Variants in PBX1 observed in about 807,000 individuals in gnomAD.
PBX1 encodes PBX homeobox 1.
In PBX1, 6 loss-of-function variants were observed where a neutral mutation model predicts 53.4. That is an observed-to-expected ratio of 0.11 (90% CI 0.06 to 0.22). PBX1 has a LOEUF of 0.22. Ranked by LOEUF, PBX1 falls within the 10% of genes least tolerant of loss-of-function variation. PBX1 has a pLI of 1.00. For missense variants in PBX1, 251 were observed against 551.4 expected (o/e 0.46, Z 5.46); for synonymous variants, 204 against 212.3 (o/e 0.96, Z 0.34).
chr1:164,669,213 G>A (rs1031965651), intron 2 of PBX1, among the ~76,000 whole-genome samples: 1 of 152,100 alleles, frequency 6.6e-6, no homozygotes, highest in Non-Finnish European at 1.5e-5. Context: ...ATGTTAATGG[G>A]ATGCTATTAG....
At chr1:164,877,636 T>C (rs1213487834) in intron 2 of PBX1, among the ~76,000 whole-genome samples, 1 of 152,046 alleles carries the variant, frequency 6.6e-6, no homozygotes, top group East Asian at 1.9e-4. Flanking sequence ...GCACTCCAAC[T>C]TGGGCATTGG....
intron 6 of PBX1, chr1:164,819,270 G>A (rs997218351): frequency 1.3e-5 from 2 of 152,090 alleles, no homozygotes; most frequent in Admixed American, 1.3e-4. Context: ...ATCCCTGGGA[G>A]GTGAAAAGCA....
chr1:164,615,616 G>A (rs943266713), intron 2 of PBX1, among the ~76,000 whole-genome samples: 1 of 152,122 alleles, frequency 6.6e-6, no homozygotes, highest in East Asian at 1.9e-4. Context: ...GCCAGCCGCC[G>A]CACCGTTGAT....
At chr1:164,618,923 T>C (rs1316350143) in intron 2 of PBX1, among the ~76,000 whole-genome samples, 1 of 152,250 alleles carries the variant, frequency 6.6e-6, no homozygotes, top group Admixed American at 6.5e-5. Flanking sequence ...AAGTATAATG[T>C]TCTGGCTTTT....
At chr1:164,784,717 G>C (rs1668093666) in intron 2 of PBX1, among the ~76,000 whole-genome samples, 1 of 152,192 alleles carries the variant, frequency 6.6e-6, no homozygotes, top group African/African-American at 2.4e-5. Context: ...CGTTTATTTG[G>C]AAAGTCAGCA....
chr1:164,729,833 T>C (rs562089307), intron 2 of PBX1, among the ~76,000 whole-genome samples: 2 of 148,578 alleles, frequency 1.3e-5, no homozygotes, highest in East Asian at 3.9e-4. Context: ...TAAAAATCAT[T>C]ATAACAATAA....
Position 164,763,605 on chromosome 1 carries a change from A to T in PBX1, c.266-28889A>T, listed in dbSNP as rs547806616. 1.2e-3 allele frequency among the ~76,000 whole-genome samples: 183 copies of T among 152,324 alleles called. 1 individual carries two copies. The highest frequency in any genetic ancestry group is 4.4e-3 in the African/African-American group (181 of 41,578). ...GATTTTCCCTAACCAAGAAAGATAGACCGAGGAGTCATTTTAATTGTCTAG... is the reference window on the plus strand; with the variant it reads ...GATTTTCCCTAACCAAGAAAGATAGTCCGAGGAGTCATTTTAATTGTCTAG... On this transcript the variant is annotated intron_variant, in intron 2 of 8. Transcript: ENST00000420696.
At chr1:164,793,138 TGGC>T (rs1285013992) in intron 3 of PBX1, among the ~76,000 whole-genome samples, 1 of 152,188 alleles carries the variant, frequency 6.6e-6, no homozygotes, top group African/African-American at 2.4e-5. Context: ...AGGTTTTCTC[TGGC>T]CCTTGTTTTT....
At chr1:164,748,924 AG>A (rs1666045917) in intron 2 of PBX1, among the ~76,000 whole-genome samples, 1 of 152,196 alleles carries the variant, frequency 6.6e-6, no homozygotes, top group Non-Finnish European at 1.5e-5. Flanking sequence ...TCAGAAATGT[AG>A]GAGGAAGCCA....
At chr1:164,602,306 T>A (rs1255520411) in intron 2 of PBX1, among the ~76,000 whole-genome samples, 1 of 152,142 alleles carries the variant, frequency 6.6e-6, no homozygotes, top group East Asian at 1.9e-4. Context: ...CCAAGCCATC[T>A]CCCCTCACAC....
chr1:164,831,136 T>C (rs1172152288), intron 8 of PBX1, among the ~76,000 whole-genome samples: 1 of 152,238 alleles, frequency 6.6e-6, no homozygotes, highest in African/African-American at 2.4e-5. Flanking sequence ...GTCATTAATA[T>C]TTAACTCTAC....
chr1:164,651,183 A>G (rs924707657), intron 2 of PBX1, among the ~76,000 whole-genome samples: 1 of 151,970 alleles, frequency 6.6e-6, no homozygotes, highest in Admixed American at 6.6e-5. Context: ...CTTCTTTCCC[A>G]TCCACACTTG....
At chr1:164,588,449 AAG>A (rs1655105561) in intron 2 of PBX1, among the ~76,000 whole-genome samples, 1 of 148,092 alleles carries the variant, frequency 6.8e-6, no homozygotes, top group Admixed American at 6.7e-5. Flanking sequence ...AAAAAGAGAA[AAG>A]AGAAATACAC....
intron 2 of PBX1, among the ~76,000 whole-genome samples, chr1:164,709,245 G>T (rs549830075): frequency 6.6e-6 from 1 of 152,270 alleles, no homozygotes; most frequent in East Asian, 1.9e-4. Flanking sequence ...CTAAGAAAGT[G>T]GAAGCTGATC....
intron 2 of PBX1, among the ~76,000 whole-genome samples, chr1:164,613,216 A>G (rs976501912): frequency 6.6e-6 from 1 of 152,184 alleles, no homozygotes; most frequent in South Asian, 2.1e-4. Flanking sequence ...TTATGTTCCA[A>G]TTTGTGAGCT....
chr1:164,823,231 T>C (rs1670248954), intron 8 of PBX1, among the ~76,000 whole-genome samples: 1 of 152,158 alleles, frequency 6.6e-6, no homozygotes, highest in South Asian at 2.1e-4. Flanking sequence ...TAGTACTGCA[T>C]TGATGGCTGA....
chr1:164,603,107 G>A (rs1656290585), intron 2 of PBX1, among the ~76,000 whole-genome samples: 1 of 151,246 alleles, frequency 6.6e-6, no homozygotes, highest in South Asian at 2.1e-4. Flanking sequence ...TACCCCTTTG[G>A]CTTTTTCTGA....
chr1:164,832,737 A>G (rs1037314363), intron 8 of PBX1, among the ~76,000 whole-genome samples: 1 of 152,162 alleles, frequency 6.6e-6, no homozygotes, highest in Non-Finnish European at 1.5e-5. Flanking sequence ...TCAACTACAA[A>G]GCACTGGAAG....
chr1:164,596,313 A>C (rs184986424), intron 2 of PBX1, among the ~76,000 whole-genome samples: 51 of 152,164 alleles, frequency 3.4e-4, no homozygotes, highest in Non-Finnish European at 2.9e-5. Context: ...GTAAATATGC[A>C]CTCTCCTTGA....
Sources: allele counts gnomAD v4.1 joint callset (sites outside exome capture counted in the v4.1 genomes callset), GRCh38; gene constraint gnomAD v4.1.1; transcripts MANE v1.5; gene names NCBI Gene and HGNC (gene_info 2026-07-23, HGNC 2026-07-21).